Variants in CA12 observed in about 807,000 individuals in gnomAD.
CA12 encodes the protein carbonic anhydrase 12, also known as carbonate dehydratase XII.
CA12 carries 36 observed loss-of-function variants against 46.8 expected under a neutral mutation model. The ratio of observed to expected loss-of-function variants is 0.77; its 90% confidence interval spans 0.59 to 1.02. The LOEUF is 1.02. CA12 is among the 50% of genes least tolerant of loss of function. CA12 has a pLI of 0.00. For synonymous variants in CA12, 202 were observed against 187.0 expected (o/e 1.08, Z -0.65); for missense variants, 436 against 451.4 (o/e 0.97, Z 0.31).
chr15:63,356,521 G>A (rs1452095221), intron 2 of CA12, among the ~76,000 whole-genome samples: 6 of 150,652 alleles, frequency 4.0e-5, no homozygotes, highest in African/African-American at 1.5e-4. Flanking sequence ...TATAATACCA[G>A]CAATTCTTTT....
intron 4 of CA12, among the ~76,000 whole-genome samples, chr15:63,344,781 C>A (rs2039124287): frequency 6.6e-6 from 1 of 152,162 alleles, no homozygotes; most frequent in Admixed American, 6.5e-5. Context: ...AATGGAGCAT[C>A]TCAACCCCCT....
At chr15:63,352,005 A>G (rs776845138) in intron 2 of CA12, among the ~76,000 whole-genome samples, 3 of 152,138 alleles carry the variant, frequency 2.0e-5, no homozygotes, top group Non-Finnish European at 2.9e-5. Flanking sequence ...AGAAGGGTGT[A>G]TGCGTGGTGG....
chr15:63,325,902 A>G lies in CA12; in HGVS notation c.*383T>C. ...ACATTCTTGTCTGAAAGCTTGGAGAAGCAGCAGAATTTCCAGGACACTTGA... is the reference window on the plus strand; with the variant it reads ...ACATTCTTGTCTGAAAGCTTGGAGAGGCAGCAGAATTTCCAGGACACTTGA... On this transcript the variant is annotated 3_prime_UTR_variant, in exon 11 of 11. Transcript: ENST00000178638. The surrounding 1 kb of genome is among the most constrained non-coding windows in gnomAD (Gnocchi z 4.9). 1 of 269,648 alleles carries G rather than the reference A, an allele frequency of 3.7e-6. No individual in the cohort carries two copies. The highest frequency in any genetic ancestry group is 7.4e-6 in the Non-Finnish European group (1 of 135,456). 16.7% of individuals were successfully genotyped at this position (269,648 alleles called of 1,614,324 possible).
chr15:63,351,629 A>C (rs2039233348), intron 2 of CA12, among the ~76,000 whole-genome samples: 1 of 152,180 alleles, frequency 6.6e-6, no homozygotes, highest in African/African-American at 2.4e-5. Flanking sequence ...TTATGAAAAA[A>C]TCTGCTCAAA....
In CA12 at chr15:63,328,802, G is replaced by A. The variant is rs1214062105; in HGVS notation, c.875-672C>T. ...TGCAACCTCCACCTCCTGGGTTCAA[G>A]CAATTCTCATGCCTCAGCCTCCCGA... On this transcript the variant is annotated intron_variant, in intron 8 of 10. Coordinates refer to ENST00000178638, the MANE Select transcript of CA12 (RefSeq NM_001218.5). This position sits in a 1 kb window ranked among gnomAD's most constrained non-coding sequence, Gnocchi z 5.9. 6.6e-6 allele frequency among the ~76,000 whole-genome samples: 1 copy of A among 152,184 alleles called. No homozygotes were observed. Among genetic ancestry groups the A allele is most frequent in the Non-Finnish European group, 1.5e-5 (1 of 68,040 alleles).
rs1337601512 is a variant in CA12, at chr15:63,355,449, CG to C, written c.107-8741del. On this transcript the variant is annotated intron_variant, in intron 2 of 10. Transcript: ENST00000178638. The surrounding 1 kb of genome is among the most constrained non-coding windows in gnomAD (Gnocchi z 4.1). ...GGAACTCATTCAAAATGCAGAGTCTCGGGCCCCACCCCAGGCCTACCGAACC... is the reference window on the plus strand; with the variant it reads ...GGAACTCATTCAAAATGCAGAGTCTCGGCCCCACCCCAGGCCTACCGAACC... Among the ~76,000 whole-genome samples the C allele has an allele frequency of 6.6e-6, 1 of 152,206 alleles. No individual in the cohort carries two copies. Among genetic ancestry groups the C allele is most frequent in the Non-Finnish European group, 1.5e-5 (1 of 68,036 alleles).
intron 2 of CA12, among the ~76,000 whole-genome samples, chr15:63,349,105 GTTATGT>G (rs1198083633): frequency 1.3e-5 from 2 of 152,110 alleles, no homozygotes; most frequent in African/African-American, 2.4e-5. Flanking sequence ...ACTTCAGTGG[GTTATGT>G]TCCCTGCTGG....
In CA12 at chr15:63,328,154, G is replaced by T; in HGVS notation, c.875-24C>A. ...CACTTAAAAGGGGAGAGGAAAAGAC[G>T]AGGTTACTCTAGAGTCAAACCACAC... On this transcript the variant is annotated intron_variant, in intron 8 of 10. Transcript: ENST00000178638. The surrounding 1 kb of genome is among the most constrained non-coding windows in gnomAD (Gnocchi z 5.9). 6.2e-7 allele frequency: 1 copy of T among 1,611,428 alleles called. No homozygotes were observed. Among genetic ancestry groups the T allele is most frequent in the South Asian group, 1.1e-5 (1 of 91,022 alleles).
rs1015368614 is a variant in CA12, at chr15:63,374,168, C to T, written c.106+1490G>A. On this transcript the variant is annotated intron_variant, in intron 2 of 10. Transcript: ENST00000178638. The surrounding 1 kb of genome is among the most constrained non-coding windows in gnomAD (Gnocchi z 4.4). ...AGGCCTGCCCTGACCCTCCACACCT[C>T]CCCTGTTTGACCCAGCCTATCTCTC... Among the ~76,000 whole-genome samples, 5 of 152,136 alleles carry T rather than the reference C, an allele frequency of 3.3e-5. No individual in the cohort carries two copies. Among genetic ancestry groups the T allele is most frequent in the African/African-American group, 1.2e-4 (5 of 41,422 alleles).
intron 2 of CA12, among the ~76,000 whole-genome samples, chr15:63,368,701 C>T (rs1196640203): frequency 2.0e-5 from 3 of 152,212 alleles, no homozygotes; most frequent in Non-Finnish European, 4.4e-5. Context: ...ATGGTCAAGT[C>T]GGAGCACAGC....
rs1489706547 is a variant in CA12 at position 63,341,064 on chromosome 15, C to T, written c.526-281G>A. 1.3e-5 allele frequency among the ~76,000 whole-genome samples: 2 copies of T among 152,110 alleles called. No homozygotes were observed. The highest frequency in any genetic ancestry group is 6.5e-5 in the Admixed American group (1 of 15,274). On this transcript the variant is annotated intron_variant, in intron 5 of 10. Coordinates refer to ENST00000178638, the MANE Select transcript of CA12 (RefSeq NM_001218.5). This position sits in a 1 kb window ranked among gnomAD's most constrained non-coding sequence, Gnocchi z 5.2. Reference sequence around the variant, plus strand: ...TGCTCTTGATGATCCAGATATGAGCCTGAAGGCTTTGACTAACATCCATGT... The same window carrying T: ...TGCTCTTGATGATCCAGATATGAGCTTGAAGGCTTTGACTAACATCCATGT...
At chr15:63,351,282 G>C (rs1010353211) in intron 2 of CA12, among the ~76,000 whole-genome samples, 1 of 152,110 alleles carries the variant, frequency 6.6e-6, no homozygotes, top group Non-Finnish European at 1.5e-5. Context: ...TTAGGCCCTC[G>C]CCATGTCACA....
intron 2 of CA12, among the ~76,000 whole-genome samples, chr15:63,352,285 G>A (rs2039242550): frequency 6.6e-6 from 1 of 152,200 alleles, no homozygotes; most frequent in African/African-American, 2.4e-5. Context: ...TCAGACTCCT[G>A]ACCTAAAGCG....
At chr15:63,346,363 C>A (rs1185657073) in intron 3 of CA12, among the ~76,000 whole-genome samples, 167 bp downstream of exon 3, 8 of 152,178 alleles carry the variant, frequency 5.3e-5, no homozygotes, top group Admixed American at 3.9e-4. Flanking sequence ...CCTCCAGCAT[C>A]CCCTGGAGAG....
chr15:63,345,430 A>G lies in CA12; in HGVS notation c.429+47T>C. On this transcript the variant is annotated intron_variant, in intron 4 of 10. Transcript: ENST00000178638. This position sits in a 1 kb window ranked among gnomAD's most constrained non-coding sequence, Gnocchi z 4.3. ...AGCAGCCAGGTCGAGAAGGTGCCAC[A>G]CCACCCACTGCAGAGCAGCCTCTGC... 6.3e-7 allele frequency: 1 copy of G among 1,599,506 alleles called. No individual in the cohort carries two copies. The highest frequency in any genetic ancestry group is 8.5e-7 in the Non-Finnish European group (1 of 1,179,056).
Position 63,323,673 on chromosome 15 carries a change from G to A in CA12, c.*2612C>T, listed in dbSNP as rs2038825159. 1 of 152,762 alleles carries A rather than the reference G, an allele frequency of 6.5e-6. No individual in the cohort carries two copies. The highest frequency in any genetic ancestry group is 2.4e-5 in the African/African-American group (1 of 41,468). 9.5% of individuals were successfully genotyped at this position (152,762 alleles called of 1,614,324 possible). On this transcript the variant is annotated 3_prime_UTR_variant, in exon 11 of 11. Coordinates refer to ENST00000178638, the MANE Select transcript of CA12 (RefSeq NM_001218.5). The surrounding 1 kb of genome is among the most constrained non-coding windows in gnomAD (Gnocchi z 5.1). ...GGCACAGGAACTGAGGGGTGCTGCAGACACCAGTGCTTCTCCAGGGCTGGC... is the reference window on the plus strand; with the variant it reads ...GGCACAGGAACTGAGGGGTGCTGCAAACACCAGTGCTTCTCCAGGGCTGGC...
At chr15:63,362,974 C>T (rs1293739484) in intron 2 of CA12, among the ~76,000 whole-genome samples, 3 of 152,176 alleles carry the variant, frequency 2.0e-5, no homozygotes, top group African/African-American at 7.2e-5. Flanking sequence ...ACCTAGGGCA[C>T]ATTTCTTTGC....
In CA12 at chr15:63,326,361, G is replaced by A. The variant is rs760512486; in HGVS notation, c.993-4C>T. ...CTTGTTATCACCTTTTTTGATACTA[G>A]AACAGAAAGAACACATAACTCTTGT... On this transcript the variant is annotated splice_polypyrimidine_tract_variant and splice_region_variant and intron_variant, in intron 10 of 10. Coordinates refer to ENST00000178638, the MANE Select transcript of CA12 (RefSeq NM_001218.5). The A allele has an allele frequency of 6.2e-7, 1 of 1,609,026 alleles. No homozygotes were observed. The highest frequency in any genetic ancestry group is 8.5e-7 in the Non-Finnish European group (1 of 1,175,480).
rs774609897 is a variant in CA12 at position 63,355,177 on chromosome 15, C to T, written c.107-8468G>A. Among the ~76,000 whole-genome samples, 27 of 152,312 alleles carry T rather than the reference C, an allele frequency of 1.8e-4. No individual in the cohort carries two copies. Among genetic ancestry groups the T allele is most frequent in the East Asian group, 5.8e-4 (3 of 5,188 alleles). On this transcript the variant is annotated intron_variant, in intron 2 of 10. Coordinates refer to ENST00000178638, the MANE Select transcript of CA12 (RefSeq NM_001218.5). The surrounding 1 kb of genome is among the most constrained non-coding windows in gnomAD (Gnocchi z 4.1). ...TGTGTCTGCTCCCACCCCTCCTTTTCGTTCCAGCAGCGCTGAGCTGCTTGC... is the reference window on the plus strand; with the variant it reads ...TGTGTCTGCTCCCACCCCTCCTTTTTGTTCCAGCAGCGCTGAGCTGCTTGC...
Sources: allele counts gnomAD v4.1 joint callset (sites outside exome capture counted in the v4.1 genomes callset), GRCh38; gene constraint gnomAD v4.1.1; non-coding constraint Gnocchi (gnomAD v3.1); transcripts MANE v1.5; gene names NCBI Gene and HGNC (gene_info 2026-07-23, HGNC 2026-07-21).